ENPP1: variants seen among roughly 807,000 people sequenced by gnomAD.
ENPP1 encodes the protein ectonucleotide pyrophosphatase/phosphodiesterase family member 1.
Under a neutral mutation model 122.8 loss-of-function variants are expected in ENPP1, and 73 were observed. The ratio of observed to expected loss-of-function variants is 0.59; its 90% CI spans 0.49 to 0.72. The LOEUF (loss-of-function observed/expected upper bound fraction) is 0.72, where lower values mean the gene tolerates loss of function less well. Ranked by LOEUF, ENPP1 falls within the 30% of genes least tolerant of loss-of-function variation. The pLI, the probability that ENPP1 is intolerant of heterozygous loss-of-function variation, is 0.00. For missense variants in ENPP1, 978 were observed against 1,128.1 expected (o/e 0.87, Z 1.91); for synonymous variants, 367 against 391.6 (o/e 0.94, Z 0.74).
At chr6:131,826,981 G>A in intron 1 of ENPP1, 1 of 449,256 alleles carries the variant, frequency 2.2e-6, no homozygotes, top group East Asian at 5.0e-5. Context: ...CAAAAAGCCA[G>A]TGCAGGATGG....
intron 1 of ENPP1, among the ~76,000 whole-genome samples, chr6:131,841,117 T>C (rs868563246): frequency 3.2e-4 from 48 of 152,342 alleles, no homozygotes; most frequent in African/African-American, 1.1e-3. Flanking sequence ...TTGAGTGGAC[T>C]TAGGAACTTT....
chr6:131,872,855 C>T (rs796538977), intron 14 of ENPP1, 68 bp from the exon 15 acceptor site: 33 of 1,479,208 alleles, frequency 2.2e-5, no homozygotes, highest in Non-Finnish European at 2.8e-6. Flanking sequence ...ATATCTTTCC[C>T]TAAAAAAGTT....
intron 24 of ENPP1, among the ~76,000 whole-genome samples, chr6:131,889,660 T>G (rs963903594): frequency 5.9e-5 from 9 of 152,248 alleles, no homozygotes; most frequent in Non-Finnish European, 1.2e-4. Flanking sequence ...ATGGTGTGTA[T>G]GTACCACATT....
intron 1 of ENPP1, among the ~76,000 whole-genome samples, chr6:131,834,570 G>T (rs1029108171): frequency 2.1e-5 from 3 of 142,542 alleles, no homozygotes; most frequent in Non-Finnish European, 4.5e-5. Context: ...TCACTCTGTC[G>T]CCCACGCTGG....
At chr6:131,887,270 C>A (rs1273294124) in intron 24 of ENPP1, among the ~76,000 whole-genome samples, 3 of 151,986 alleles carry the variant, frequency 2.0e-5, no homozygotes, top group Admixed American at 2.0e-4. Flanking sequence ...AAAATCTTTT[C>A]CTTTCTTATC....
chr6:131,886,470 T>G (rs1278727407), intron 23 of ENPP1, 92 bp from the exon 24 acceptor site: 1 of 929,154 alleles, frequency 1.1e-6, no homozygotes, highest in Non-Finnish European at 1.7e-6. Flanking sequence ...GAATTTGATT[T>G]TTATATGTAT....
At chr6:131,882,046 TA>T (rs1393114052) in intron 20 of ENPP1, among the ~76,000 whole-genome samples, 1 of 149,660 alleles carries the variant, frequency 6.7e-6, no homozygotes, top group African/African-American at 2.5e-5. Context: ...AATAAATAAA[TA>T]AATAAATAAA....
At chr6:131,871,968 G>A in intron 13 of ENPP1, 102 bp from the exon 14 acceptor site, 1 of 889,652 alleles carries the variant, frequency 1.1e-6, no homozygotes, top group Non-Finnish European at 1.8e-6. Flanking sequence ...ACCTGCCTTG[G>A]TATTTAAATG....
At chr6:131,883,533 C>G (rs1014792743) in intron 21 of ENPP1, among the ~76,000 whole-genome samples, 161 bp from the exon 22 acceptor site, 1 of 152,088 alleles carries the variant, frequency 6.6e-6, no homozygotes. Context: ...AGGACTTGAC[C>G]AAACACATTA....
At chr6:131,876,523 A>T (rs575926321) in intron 17 of ENPP1, among the ~76,000 whole-genome samples, 1 of 152,218 alleles carries the variant, frequency 6.6e-6, no homozygotes, top group Admixed American at 6.5e-5. Flanking sequence ...TGCTTACTAC[A>T]TAAGTATTTG....
At chr6:131,811,376 A>ATC (rs1781349398) in intron 1 of ENPP1, among the ~76,000 whole-genome samples, 1 of 131,280 alleles carries the variant, frequency 7.6e-6, no homozygotes, top group Non-Finnish European at 1.6e-5. Flanking sequence ...ATCTATATCT[A>ATC]TATATCTATA....
intron 15 of ENPP1, among the ~76,000 whole-genome samples, chr6:131,873,826 T>C (rs1375367635): frequency 1.3e-5 from 2 of 152,062 alleles, no homozygotes; most frequent in Non-Finnish European, 2.9e-5. Context: ...AAAATATATA[T>C]ATATATGAAA....
At chr6:131,838,202 G>A (rs1294364981) in intron 1 of ENPP1, among the ~76,000 whole-genome samples, 1 of 152,088 alleles carries the variant, frequency 6.6e-6, no homozygotes, top group Admixed American at 6.5e-5. Flanking sequence ...TCAAAAGGAT[G>A]ATAGTCTGAT....
chr6:131,847,887 GTGTGTGTA>G (rs766238214), intron 2 of ENPP1, 39 bp downstream of exon 2: 11 of 1,392,354 alleles, frequency 7.9e-6, no homozygotes, highest in Non-Finnish European at 1.1e-5. Context: ...GTGTGTGTGT[GTGTGTGTA>G]TGTGTGTGCA....
intron 3 of ENPP1, 63 bp downstream of exon 3, chr6:131,850,169 G>C (rs1781863396): frequency 8.8e-7 from 1 of 1,135,640 alleles, no homozygotes; most frequent in Non-Finnish European, 1.3e-6. Context: ...GGAAAGTTCT[G>C]TGTCTTTCAG....
intron 1 of ENPP1, chr6:131,820,049 G>A: frequency 1.9e-6 from 1 of 540,458 alleles, no homozygotes. Flanking sequence ...CATGGAGACT[G>A]ACTCCAGCTG....
At chr6:131,864,441 A>C (rs1782062447) in intron 9 of ENPP1, 65 bp from the exon 10 acceptor site, 3 of 1,085,462 alleles carry the variant, frequency 2.8e-6, no homozygotes, top group South Asian at 2.6e-5. Context: ...TTCAATGAAA[A>C]AAACTATATT....
intron 24 of ENPP1, among the ~76,000 whole-genome samples, chr6:131,886,929 T>A (rs1782386651): frequency 1.4e-5 from 2 of 139,800 alleles, no homozygotes; most frequent in African/African-American, 2.7e-5. Flanking sequence ...CTTTTTTCTT[T>A]TTTTTTTTTT....
intron 20 of ENPP1, among the ~76,000 whole-genome samples, chr6:131,880,751 G>A (rs1050094339): frequency 6.6e-6 from 1 of 151,446 alleles, no homozygotes; most frequent in African/African-American, 2.4e-5. Flanking sequence ...ATCTAAGGGG[G>A]CCCTCACTGT....
Sources: allele counts gnomAD v4.1 joint callset (sites outside exome capture counted in the v4.1 genomes callset), GRCh38; gene constraint gnomAD v4.1.1; transcripts MANE v1.5; gene names NCBI Gene and HGNC (gene_info 2026-07-23, HGNC 2026-07-21).